Variants in SCN1A observed in about 807,000 individuals in gnomAD.
SCN1A encodes sodium channel protein type 1 subunit alpha.
A neutral mutation model predicts 193.7 loss-of-function variants in SCN1A; 13 were observed. The observed-to-expected ratio is 0.07, with a 90% CI of 0.04 to 0.11. SCN1A has a LOEUF of 0.11. SCN1A is among the 10% of genes least tolerant of loss of function. The pLI is 1.00. For synonymous variants in SCN1A, 781 were observed against 843.6 expected (o/e 0.93, Z 1.29); for missense variants, 1,432 against 2,451.1 (o/e 0.58, Z 8.78).
chr2:165,994,461 A>C (rs112012970), intron 27 of SCN1A, 45 bp from the exon 28 acceptor site: 1 of 1,575,276 alleles, frequency 6.3e-7, no homozygotes, highest in East Asian at 2.2e-5. Context: ...GAGTTTTCTC[A>C]TGTGCATTAG....
Position 166,031,877 on chromosome 2 carries a change from G to A in SCN1A, c.3429+4171C>T, listed in dbSNP as rs540576599. On this transcript the variant is annotated intron_variant, in intron 19 of 28. Coordinates refer to ENST00000674923, the MANE Select transcript of SCN1A (RefSeq NM_001165963.4). The stretch of plus-strand genomic sequence containing the variant: ...AGATAGGTAAAGTCACACAGTAAGC[G>A]GCTAAAATGAAATTATATAACCCAG... Among the ~76,000 whole-genome samples the A allele has an allele frequency of 3.3e-4, 50 of 152,126 alleles. 1 individual carries two copies. Among genetic ancestry groups the A allele is most frequent in the African/African-American group, 9.2e-4 (38 of 41,524 alleles).
intron 2 of SCN1A, among the ~76,000 whole-genome samples, chr2:166,113,660 G>T (rs1184346751): frequency 6.6e-6 from 1 of 152,122 alleles, no homozygotes; most frequent in African/African-American, 2.4e-5. Flanking sequence ...ATACACCAAG[G>T]TTATTGCTAG....
intron 2 of SCN1A, among the ~76,000 whole-genome samples, chr2:166,109,193 G>A (rs1326303670): frequency 7.2e-5 from 11 of 152,034 alleles, no homozygotes; most frequent in South Asian, 2.1e-4. Context: ...TATGTTGGGC[G>A]TTATAATAAA....
chr2:166,041,615 A>G (rs953579809), intron 15 of SCN1A, 146 bp from the exon 16 acceptor site: 3 of 652,928 alleles, frequency 4.6e-6, no homozygotes, highest in African/African-American at 1.8e-5. Flanking sequence ...AAAAAATTAC[A>G]GTTTACTCTA....
chr2:166,118,601 A>G (rs1261248437), intron 2 of SCN1A, among the ~76,000 whole-genome samples: 2 of 151,858 alleles, frequency 1.3e-5, no homozygotes, highest in Non-Finnish European at 2.9e-5. Flanking sequence ...TTTTGTCCCA[A>G]CACACTGACA....
chr2:166,028,828 C>T (rs757183554), intron 19 of SCN1A, among the ~76,000 whole-genome samples: 51 of 152,048 alleles, frequency 3.4e-4, no homozygotes, highest in Non-Finnish European at 5.1e-4. Context: ...CTGCCCTCGT[C>T]GGTTCACAAT....
At position 165,991,202 on chromosome 2, in the gene SCN1A, G is replaced by T. The variant is rs921776771; in HGVS notation, c.*43C>A. The T allele has an allele frequency of 7.2e-6, 11 of 1,518,646 alleles. No homozygotes were observed. Among genetic ancestry groups the T allele is most frequent in the Non-Finnish European group, 9.9e-6 (11 of 1,114,728 alleles). The allele number at this position is 1,518,646 out of a possible 1,614,324, so 94.1% of individuals were successfully genotyped here. On this transcript the variant is annotated 3_prime_UTR_variant, in exon 29 of 29. Transcript: ENST00000674923. ...TGATAAAAATACATCACCTTCACAGGCTGTAAACAATTTGTCACCCAATTA... is the reference window on the plus strand; with the variant it reads ...TGATAAAAATACATCACCTTCACAGTCTGTAAACAATTTGTCACCCAATTA...
Position 166,015,687 on chromosome 2 carries a change from A to G in SCN1A, c.3470T>C (p.Val1157Ala). Residue 1157 changes from valine (V) to alanine (A), a missense_variant, in exon 20 of 29, where the codon GTG becomes GCG. Physicochemically the swap from Val to Ala is moderately conservative, Grantham distance 64. Around this residue, in one of 18 missense-constraint regions of SCN1A, gnomAD observed 198 missense variants for 225.8 expected, o/e 0.88. Coordinates refer to ENST00000674923, the MANE Select transcript of SCN1A (RefSeq NM_001165963.4). ...TTCTTCTACAGGTGCGCCGATGTCC[A>G]CAGTGCTACCTTCTGATGAGCTACT... Reference protein sequence around the residue: ...ESSSSSEGSTVDIGAPVEEQP... With the variant: ...ESSSSSEGSTADIGAPVEEQP... 1 of 1,612,906 alleles carries G rather than the reference A, an allele frequency of 6.2e-7. No homozygotes were observed. The highest frequency in any genetic ancestry group is 8.5e-7 in the Non-Finnish European group (1 of 1,179,048).
intron 24 of SCN1A, among the ~76,000 whole-genome samples, chr2:166,001,842 T>C (rs1690893830): frequency 6.7e-6 from 1 of 150,100 alleles, no homozygotes; most frequent in African/African-American, 2.4e-5. Context: ...TTTTGCTTCA[T>C]TTTTGTTTCT....
At chr2:166,127,078 C>T (rs1691330684) in intron 1 of SCN1A, 68 bp from the exon 2 acceptor site, 1 of 152,188 alleles carries the variant, frequency 6.6e-6, no homozygotes, top group Non-Finnish European at 1.5e-5. Flanking sequence ...GTTGTGACCT[C>T]TGTCTAAGTA....
intron 19 of SCN1A, among the ~76,000 whole-genome samples, chr2:166,030,222 T>A (rs967652890): frequency 3.3e-5 from 5 of 152,214 alleles, no homozygotes; most frequent in Non-Finnish European, 5.9e-5. Flanking sequence ...ACCAACCACT[T>A]ACTGTTTGTG....
rs141166092 is a variant in SCN1A at position 166,075,517 on chromosome 2, A to C, written c.-49-1847T>G. Among the ~76,000 whole-genome samples, 16 of 152,200 alleles carry C rather than the reference A, an allele frequency of 1.1e-4. No individual in the cohort carries two copies. In the East Asian group the frequency reaches 3.1e-3, roughly 29 times the overall value. ...TTTATAGATTTGACTCGTACCTATT[A>C]CTGGCTACATGGGTTTCCATTGCAT... On this transcript the variant is annotated intron_variant, in intron 3 of 28. Coordinates refer to ENST00000674923, the MANE Select transcript of SCN1A (RefSeq NM_001165963.4).
At chr2:166,098,341 C>T (rs1157832219) in intron 2 of SCN1A, among the ~76,000 whole-genome samples, 1 of 151,992 alleles carries the variant, frequency 6.6e-6, no homozygotes, top group Non-Finnish European at 1.5e-5. Flanking sequence ...GTTAAAAACC[C>T]TCAACAAATT....
chr2:166,051,204 A>G (rs1698519823), intron 9 of SCN1A, among the ~76,000 whole-genome samples: 1 of 152,072 alleles, frequency 6.6e-6, no homozygotes, highest in African/African-American at 2.4e-5. Context: ...AGTCAAAACT[A>G]GAGTAGTTAT....
chr2:165,991,009 G>A lies in SCN1A; in HGVS notation c.*236C>T. 2.0e-6 allele frequency: 1 copy of A among 511,934 alleles called. No homozygotes were observed. The highest frequency in any genetic ancestry group is 3.5e-6 in the Non-Finnish European group (1 of 287,366). The allele number at this position is 511,934 out of a possible 1,614,324, so 31.7% of individuals were successfully genotyped here. On this transcript the variant is annotated 3_prime_UTR_variant, in exon 29 of 29. Coordinates refer to ENST00000674923, the MANE Select transcript of SCN1A (RefSeq NM_001165963.4). The stretch of plus-strand genomic sequence containing the variant: ...CTAGCCATTGTGCATCTTATCTTCA[G>A]CAGTGTCAGCTGGTAGTGAGAACAG...
intron 2 of SCN1A, among the ~76,000 whole-genome samples, chr2:166,090,089 G>C (rs1238170196): frequency 7.3e-6 from 1 of 136,298 alleles, no homozygotes; most frequent in African/African-American, 2.8e-5. Flanking sequence ...ACACAGGCTG[G>C]AGTGCAGTGA....
At chr2:166,050,436 C>T (rs1383975621) in intron 9 of SCN1A, among the ~76,000 whole-genome samples, 3 of 150,118 alleles carry the variant, frequency 2.0e-5, no homozygotes, top group South Asian at 4.2e-4. Context: ...ATAAATTTTC[C>T]CTAGAGAGAA....
intron 22 of SCN1A, among the ~76,000 whole-genome samples, chr2:166,011,250 C>T (rs910254322): frequency 1.3e-5 from 2 of 151,276 alleles, no homozygotes; most frequent in Admixed American, 6.6e-5. Flanking sequence ...AAGAAACCCT[C>T]ATAGTCTTGC....
chr2:166,032,826 T>C (rs1343944650), intron 19 of SCN1A, among the ~76,000 whole-genome samples: 1 of 152,122 alleles, frequency 6.6e-6, no homozygotes, highest in Non-Finnish European at 1.5e-5. Context: ...CAAGGTAACA[T>C]GGCTAACAAA....
Sources: gnomAD v4.1 joint callset for allele counts (sites outside exome capture counted in the v4.1 genomes callset) on GRCh38, gnomAD v4.1.1 for gene constraint, gnomAD v4.1.1 regional missense constraint, MANE v1.5 for transcripts, NCBI Gene and HGNC (gene_info 2026-07-23, HGNC 2026-07-21) for gene names.